Variants in CLVS1 observed in about 807,000 individuals in gnomAD.
The protein encoded by CLVS1 is clavesin 1, also known as clavesin-1.
Under a neutral mutation model 33.1 loss-of-function variants are expected in CLVS1, and 10 were observed. That is an observed-to-expected ratio of 0.30 (90% confidence interval 0.19 to 0.51). The LOEUF (loss-of-function observed/expected upper bound fraction) is 0.51. Among genes scored for constraint, CLVS1 ranks in the 20% least tolerant of loss-of-function variants. CLVS1 has a pLI of 0.97. For missense variants in CLVS1, 343 were observed against 433.4 expected (o/e 0.79, Z 1.85); for synonymous variants, 163 against 166.1 (o/e 0.98, Z 0.14).
chr8:61,407,262 G>A (rs1815031208), intron 3 of CLVS1, among the ~76,000 whole-genome samples: 1 of 152,152 alleles, frequency 6.6e-6, no homozygotes, highest in Admixed American at 6.5e-5. Flanking sequence ...TCCTTTCAAA[G>A]CCTGGTCCAT....
intron 1 of CLVS1, among the ~76,000 whole-genome samples, chr8:61,126,176 G>A (rs1805965027): frequency 6.6e-6 from 1 of 151,728 alleles, no homozygotes; most frequent in Admixed American, 6.6e-5. Flanking sequence ...ACACACATAT[G>A]CACACACACA....
the CLVS1 span, among the ~76,000 whole-genome samples, chr8:61,032,992 G>GGAAA: frequency 0.016 from 707 of 44,736 alleles, 17 homozygotes; most frequent in Non-Finnish European, 0.02. Flanking sequence ...AAGGAAGGAA[G>GGAAA]GAAAGAAAGA....
At chr8:61,009,251 C>T in the CLVS1 span, among the ~76,000 whole-genome samples, 2 of 152,002 alleles carry the variant, frequency 1.3e-5, no homozygotes, top group East Asian at 1.9e-4. Context: ...CAGGCTCAAG[C>T]GATTCTCCCA....
At chr8:61,456,313 A>G (rs1280941840) in intron 4 of CLVS1, among the ~76,000 whole-genome samples, 1 of 152,198 alleles carries the variant, frequency 6.6e-6, no homozygotes, top group Non-Finnish European at 1.5e-5. Flanking sequence ...TGTTTTCTCT[A>G]AACACCAGGG....
intron 1 of CLVS1, among the ~76,000 whole-genome samples, chr8:61,063,589 T>A (rs1173840045): frequency 6.6e-6 from 1 of 152,074 alleles, no homozygotes; most frequent in Non-Finnish European, 1.5e-5. Flanking sequence ...TAAAGCCTAG[T>A]GGAGGTGAGG....
intron 5 of CLVS1, among the ~76,000 whole-genome samples, chr8:61,492,182 T>G (rs1382393828): frequency 6.6e-6 from 1 of 152,160 alleles, no homozygotes; most frequent in Non-Finnish European, 1.5e-5. Flanking sequence ...TGGAAAAACG[T>G]GAGTCACATA....
At chr8:61,028,771 AAC>A in the CLVS1 span, among the ~76,000 whole-genome samples, 85 of 152,304 alleles carry the variant, frequency 5.6e-4, no homozygotes, top group African/African-American at 2.0e-3. Context: ...GGACTCGGTG[AAC>A]AAAGAACTTG....
chr8:61,360,524 A>T (rs570217372), intron 2 of CLVS1, among the ~76,000 whole-genome samples: 1 of 152,308 alleles, frequency 6.6e-6, no homozygotes, highest in African/African-American at 2.4e-5. Flanking sequence ...GCTGGAACAA[A>T]CTGTCTTTTG....
chr8:61,264,136 G>A (rs1282321166), intron 2 of CLVS1, among the ~76,000 whole-genome samples: 3 of 152,062 alleles, frequency 2.0e-5, no homozygotes, highest in Non-Finnish European at 2.9e-5. Flanking sequence ...AGAGGCTCAA[G>A]CTGGCACTTG....
chr8:61,358,173 T>C (rs1406205985), intron 2 of CLVS1, among the ~76,000 whole-genome samples: 1 of 152,214 alleles, frequency 6.6e-6, no homozygotes, highest in Non-Finnish European at 1.5e-5. Context: ...TTTAAAGACT[T>C]CTTCACCTTC....
At chr8:61,064,687 C>G (rs1432581149) in intron 1 of CLVS1, among the ~76,000 whole-genome samples, 3 of 151,798 alleles carry the variant, frequency 2.0e-5, no homozygotes, top group Non-Finnish European at 4.4e-5. Flanking sequence ...ATTACAGGTG[C>G]CTGCCACCAC....
chr8:61,262,653 C>T (rs7844889), intron 2 of CLVS1, among the ~76,000 whole-genome samples: 41,216 of 152,084 alleles, frequency 0.27, 8,070 homozygotes, highest in East Asian at 0.85. Context: ...AGAGATTAGG[C>T]ATCCTCCCTC....
chr8:61,118,096 C>T (rs1268870375), intron 1 of CLVS1, among the ~76,000 whole-genome samples: 2 of 151,920 alleles, frequency 1.3e-5, no homozygotes, highest in African/African-American at 4.8e-5. Flanking sequence ...CTGGTTTAGT[C>T]TTGGGAGAGT....
At chr8:61,220,496 C>T (rs1000493448) in intron 2 of CLVS1, among the ~76,000 whole-genome samples, 1 of 152,120 alleles carries the variant, frequency 6.6e-6, no homozygotes, top group African/African-American at 2.4e-5. Context: ...TCTGAGGTCT[C>T]TGTTCTGCTC....
At chr8:61,443,286 A>G (rs1816635877) in intron 3 of CLVS1, among the ~76,000 whole-genome samples, 1 of 152,174 alleles carries the variant, frequency 6.6e-6, no homozygotes, top group Non-Finnish European at 1.5e-5. Flanking sequence ...ATGCTTTTGG[A>G]GGCAAGTCTA....
intron 2 of CLVS1, among the ~76,000 whole-genome samples, chr8:61,239,088 T>A (rs1437996991): frequency 1.3e-5 from 2 of 152,228 alleles, no homozygotes; most frequent in African/African-American, 2.4e-5. Flanking sequence ...AAATGGTATC[T>A]AATTTTTGTT....
intron 1 of CLVS1, among the ~76,000 whole-genome samples, chr8:61,068,962 G>A (rs1412027252): frequency 6.6e-6 from 1 of 152,120 alleles, no homozygotes. Flanking sequence ...CCACAGTGCA[G>A]ACTGAGGAAT....
Position 61,068,857 on chromosome 8 carries a change from C to T in CLVS1, c.-243+11627C>T, listed in dbSNP as rs191401508. On this transcript the variant is annotated intron_variant, in intron 1 of 2. Coordinates refer to the CLVS1 transcript ENST00000522621. The stretch of plus-strand genomic sequence containing the variant: ...ATTGTTCCTTCTCTTCCTACCGATG[C>T]CCCCTCTGCCTAGGAAGGGTCTCCC... Among the ~76,000 whole-genome samples the T allele has an allele frequency of 5.3e-5, 8 of 152,336 alleles. No individual in the cohort carries two copies. The East Asian group carries it at 1.5e-3, about 29-fold the overall frequency.
intron 2 of CLVS1, among the ~76,000 whole-genome samples, chr8:61,279,386 A>G (rs1049323272): frequency 1.3e-5 from 2 of 152,152 alleles, no homozygotes; most frequent in Non-Finnish European, 2.9e-5. Flanking sequence ...TCCTATTCCC[A>G]AAGACCAATT....
Sources: allele counts gnomAD v4.1 joint callset (sites outside exome capture counted in the v4.1 genomes callset), GRCh38; gene constraint gnomAD v4.1.1; transcripts MANE v1.5; gene names NCBI Gene and HGNC (gene_info 2026-07-23, HGNC 2026-07-21).